The following TMEM260 variants were observed in gnomAD, a reference collection of about 807,000 sequenced individuals.
The protein encoded by TMEM260 is protein O-mannosyl-transferase TMEM260.
Under a neutral mutation model 88.9 loss-of-function variants are expected in TMEM260, and 82 were observed. That is an observed-to-expected ratio of 0.92 (90% confidence interval 0.77 to 1.11). The LOEUF (loss-of-function observed/expected upper bound fraction) is 1.11, where lower values mean the gene tolerates loss of function less well. Ranked by LOEUF, TMEM260 falls within the 50% of genes least tolerant of loss-of-function variation. The probability of loss-of-function intolerance (pLI) is 0.00; values close to 1 mark genes in which losing one functional copy is unlikely to be tolerated. For synonymous variants in TMEM260, 314 were observed against 309.3 expected (o/e 1.02, Z -0.16); for missense variants, 902 against 853.4 (o/e 1.06, Z -0.71).
intron 15 of TMEM260, among the ~76,000 whole-genome samples, chr14:56,638,655 C>T (rs1889317130): frequency 6.6e-6 from 1 of 152,106 alleles, no homozygotes; most frequent in Non-Finnish European, 1.5e-5. Context: ...CCAATTACTT[C>T]ATGGTAATTA....
intron 15 of TMEM260, among the ~76,000 whole-genome samples, chr14:56,642,404 G>GACTACTGGGTACATAA (rs1279635177): frequency 7.2e-5 from 11 of 152,094 alleles, no homozygotes; most frequent in African/African-American, 2.7e-4. Context: ...GCTCCTGAAT[G>GACTACTGGGTACATAA]ACTACTGGGT....
intron 3 of TMEM260, among the ~76,000 whole-genome samples, chr14:56,598,251 A>G (rs1441676043): frequency 1.3e-5 from 2 of 152,204 alleles, no homozygotes; most frequent in Admixed American, 1.3e-4. Context: ...AAAAAAACAC[A>G]GAAGGAAGAT....
At chr14:56,660,127 G>A in the TMEM260 span, among the ~76,000 whole-genome samples, 2 of 152,216 alleles carry the variant, frequency 1.3e-5, no homozygotes, top group Non-Finnish European at 2.9e-5. Flanking sequence ...GACTTGCCTT[G>A]TGTACTCTAT....
the TMEM260 span, among the ~76,000 whole-genome samples, chr14:56,657,688 C>T: frequency 1.3e-5 from 2 of 152,204 alleles, no homozygotes; most frequent in African/African-American, 4.8e-5. Context: ...GTGTTGCTTA[C>T]GAAATGTTTA....
chr14:56,647,469 A>C lies in TMEM260; in HGVS notation c.2096A>C (p.Gln699Pro). The stretch of plus-strand genomic sequence containing the variant: ...CTAAAGCACCTAAGAAAAGAACTGC[A>C]AAGTCTGAGAAATAGGAAAAATGTC... ...GALKHLRKELQSLRNRKNV is the reference protein window; with the variant it reads ...GALKHLRKELPSLRNRKNV Residue 699 changes from glutamine to proline, a missense_variant, in exon 16 of 16, where the codon CAA (glutamine) becomes CCA (proline). Gln to Pro is a moderately conservative substitution (Grantham distance 76, BLOSUM62 -1). Coordinates refer to ENST00000261556, the MANE Select transcript of TMEM260 (RefSeq NM_017799.4). The C allele has an allele frequency of 6.2e-7, 1 of 1,602,106 alleles. No individual in the cohort carries two copies. The highest frequency in any genetic ancestry group is 8.5e-7 in the Non-Finnish European group (1 of 1,176,914).
At chr14:56,657,839 T>A in the TMEM260 span, among the ~76,000 whole-genome samples, 1 of 152,178 alleles carries the variant, frequency 6.6e-6, no homozygotes, top group South Asian at 2.1e-4. Context: ...CACTTTTATT[T>A]TGGCACATCT....
the TMEM260 span, among the ~76,000 whole-genome samples, chr14:56,657,046 C>G: frequency 6.6e-6 from 1 of 152,090 alleles, no homozygotes; most frequent in Non-Finnish European, 1.5e-5. Flanking sequence ...TTAGATTTTA[C>G]CATCTATATA....
the TMEM260 span, among the ~76,000 whole-genome samples, chr14:56,661,584 G>A: frequency 6.6e-6 from 1 of 151,368 alleles, no homozygotes; most frequent in Non-Finnish European, 1.5e-5. Context: ...AGGAAGGGAG[G>A]GAAGGAAGGA....
At position 56,647,252 on chromosome 14, in the gene TMEM260, G is replaced by A. The variant is rs1322925383; in HGVS notation, c.1879G>A (p.Glu627Lys). ...LYAQAYDLYK[E>K]IVYLQKEHPV... ...TTCTGCTGTTTTCTAGCTTTATAAG[G>A]AGATTGTCTATTTACAAAAGGAGCA... The change falls in exon 16 of 16, where the codon GAG (glutamate) becomes AAG (lysine). Residue 627 changes from glutamate (E) to lysine (K), a missense_variant. Glu to Lys is a moderately conservative substitution (Grantham distance 56). Transcript: ENST00000261556. 2 of 1,612,462 alleles carry A rather than the reference G, an allele frequency of 1.2e-6. No individual in the cohort carries two copies. Among genetic ancestry groups the A allele is most frequent in the Non-Finnish European group, 1.7e-6 (2 of 1,179,290 alleles).
Position 56,625,470 on chromosome 14 carries a change from G to A in TMEM260, c.1487G>A (p.Gly496Glu). 6.2e-7 allele frequency: 1 copy of A among 1,612,684 alleles called. No individual in the cohort carries two copies. The highest frequency in any genetic ancestry group is 8.5e-7 in the Non-Finnish European group (1 of 1,178,768). The change falls in exon 12 of 16, where the codon GGA becomes GAA. Residue 496 changes from glycine (G) to glutamate (E), a missense_variant. Coordinates refer to ENST00000261556, the MANE Select transcript of TMEM260 (RefSeq NM_017799.4). ...FPGNRWNPVE[G>E]ILPSGMVTFN... ...GGGAACCGGTGGAATCCTGTGGAAG[G>A]AATATTACCTAGTGGAATGGTCACA... is the stretch of plus-strand genomic sequence containing the variant.
the TMEM260 span, among the ~76,000 whole-genome samples, chr14:56,657,022 T>A: frequency 3.3e-5 from 5 of 152,194 alleles, no homozygotes; most frequent in Admixed American, 3.3e-4. Context: ...CATTATCTCC[T>A]CTTCTTCCCA....
chr14:56,620,462 T>A (rs1052263713), intron 10 of TMEM260, among the ~76,000 whole-genome samples: 15 of 152,220 alleles, frequency 9.9e-5, no homozygotes, highest in African/African-American at 3.6e-4. Context: ...CCTTTTCTTA[T>A]CCCAGTCATC....
At chr14:56,656,661 G>A in the TMEM260 span, among the ~76,000 whole-genome samples, 1 of 151,978 alleles carries the variant, frequency 6.6e-6, no homozygotes, top group Non-Finnish European at 1.5e-5. Flanking sequence ...AAGCCTCCTG[G>A]TACTTTGCTT....
At chr14:56,598,116 G>A (rs1328024094) in intron 3 of TMEM260, among the ~76,000 whole-genome samples, 1 of 152,102 alleles carries the variant, frequency 6.6e-6, no homozygotes, top group Non-Finnish European at 1.5e-5. Context: ...TTGAAATCAA[G>A]ATGGTGGATA....
At chr14:56,652,724 A>T (rs145418009), downstream of TMEM260, among the ~76,000 whole-genome samples, 45 of 152,302 alleles carry the variant, frequency 3.0e-4, no homozygotes, top group East Asian at 8.1e-3. Flanking sequence ...ACTGATAGAG[A>T]ATACTCGTAC....
upstream of TMEM260, chr14:56,579,614 G>C (rs761689952): frequency 3.8e-5 from 12 of 317,912 alleles, no homozygotes; most frequent in African/African-American, 8.5e-5. Context: ...GCCTGTGGCC[G>C]GGCTTGCTTT....
At chr14:56,619,470 G>T (rs988737105) in intron 10 of TMEM260, 5 of 152,002 alleles carry the variant, frequency 3.3e-5, no homozygotes, top group African/African-American at 9.7e-5. Context: ...CACTATACCA[G>T]CCTTAATTAT....
chr14:56,612,149 A>G, intron 6 of TMEM260, 96 bp from the exon 7 acceptor site: 1 of 1,268,624 alleles, frequency 7.9e-7, no homozygotes, highest in Non-Finnish European at 1.1e-6. Context: ...AATTGTTTTA[A>G]GAAAACCCGA....
At position 56,636,780 on chromosome 14, in the gene TMEM260, G is replaced by A. The variant is rs376700740; in HGVS notation, c.1869+182G>A. On this transcript the variant is annotated intron_variant, in intron 15 of 15. Transcript: ENST00000261556. ...TTGTATCACAGTATCCAAAGTAAAT[G>A]GCTGTGGTAGGCAGAATAATACCTC... Among the ~76,000 whole-genome samples, 192 of 151,716 alleles carry A rather than the reference G, an allele frequency of 1.3e-3. 9 individuals carry two copies. The South Asian group carries it at 0.033, about 26-fold the overall frequency.
Sources: allele counts gnomAD v4.1 joint callset (sites outside exome capture counted in the v4.1 genomes callset), GRCh38; gene constraint gnomAD v4.1.1; transcripts MANE v1.5; gene names NCBI Gene and HGNC (gene_info 2026-07-23, HGNC 2026-07-21).